The following PJVK variants were observed in gnomAD, a reference collection of about 807,000 sequenced individuals.
PJVK encodes autosomal recessive deafness type 59 protein.
A neutral mutation model predicts 37.6 loss-of-function variants in PJVK; 33 were observed. The ratio of observed to expected loss-of-function variants is 0.88; its 90% CI spans 0.67 to 1.17. The LOEUF (loss-of-function observed/expected upper bound fraction) is 1.17, where lower values mean the gene tolerates loss of function less well. PJVK is among the 50% of genes most tolerant of loss of function. The pLI, the probability that PJVK is intolerant of heterozygous loss-of-function variation, is 0.00. For synonymous variants in PJVK, 141 were observed against 143.5 expected (o/e 0.98, Z 0.13); for missense variants, 410 against 413.8 (o/e 0.99, Z 0.08).
chr2:178,453,601 A>T lies in PJVK; in HGVS notation c.192A>T (p.Gly64=). The T allele has an allele frequency of 6.2e-7, 1 of 1,613,082 alleles. No homozygotes were observed. Among genetic ancestry groups the T allele is most frequent in the Non-Finnish European group, 8.5e-7 (1 of 1,179,416 alleles). Residue 64 remains glycine, a synonymous_variant, in exon 2 of 7, where the codon GGA becomes GGT. Coordinates refer to ENST00000644580, the MANE Select transcript of PJVK (RefSeq NM_001042702.5). ...TTACACTGAAAGATATTCTCCTAGG[A>T]GACAGAGAAATTTCAGCTGGTAAGT... ...TPFTLKDILL[G]DREISAGISS...
chr2:178,453,356 T>A, intron 1 of PJVK, 32 bp from the exon 2 acceptor site: 1 of 1,585,198 alleles, frequency 6.3e-7, no homozygotes, highest in Non-Finnish European at 8.7e-7. Context: ...CTGATTTTCC[T>A]CTTTAAAAAT....
At chr2:178,455,835 T>C (rs1004529253) in intron 3 of PJVK, among the ~76,000 whole-genome samples, 175 bp from the exon 4 acceptor site, 5 of 152,008 alleles carry the variant, frequency 3.3e-5, no homozygotes, top group Admixed American at 6.6e-5. Context: ...TTTAAGAAAA[T>C]AGAGAGGAGA....
chr2:178,452,955 T>C (rs542243663), intron 1 of PJVK: 1 of 168,414 alleles, frequency 5.9e-6, no homozygotes, highest in East Asian at 1.7e-4. Context: ...GGTGGACTTG[T>C]GAAGGAATTC....
At chr2:178,454,722 G>C (rs1339625752) in intron 3 of PJVK, 195 bp downstream of exon 3, 18 of 1,552,896 alleles carry the variant, frequency 1.2e-5, no homozygotes, top group Admixed American at 9.6e-5. Context: ...GCTGAAGTCA[G>C]AGACCTCAGG....
At chr2:178,452,478 T>A (rs1320653432) in intron 1 of PJVK, 1 of 985,246 alleles carries the variant, frequency 1.0e-6, no homozygotes, top group Non-Finnish European at 1.2e-6. Flanking sequence ...ATCACTGTTT[T>A]AATGGATATC....
At chr2:178,453,255 T>G in intron 1 of PJVK, 133 bp from the exon 2 acceptor site, 2 of 735,874 alleles carry the variant, frequency 2.7e-6, no homozygotes, top group Non-Finnish European at 4.6e-6. Flanking sequence ...AGGCAGGGAA[T>G]TATACAGTGG....
intron 5 of PJVK, 142 bp downstream of exon 5, chr2:178,458,769 C>A: frequency 1.2e-6 from 1 of 825,132 alleles, no homozygotes; most frequent in Non-Finnish European, 2.1e-6. Context: ...CAATCTTATG[C>A]TTTGGCAAAA....
intron 1 of PJVK, chr2:178,452,471 A>C: frequency 4.1e-6 from 4 of 985,212 alleles, no homozygotes; most frequent in South Asian, 4.7e-5. Flanking sequence ...ACTATCCATC[A>C]CTGTTTTAAT....
chr2:178,457,992 G>A (rs902780187), intron 4 of PJVK, among the ~76,000 whole-genome samples: 13 of 152,212 alleles, frequency 8.5e-5, no homozygotes, highest in African/African-American at 3.1e-4. Context: ...AGGGTTCAAG[G>A]ATAATCTTTT....
At position 178,452,534 on chromosome 2, in the gene PJVK, C is replaced by T. The variant is rs542155365; in HGVS notation, c.-23+765C>T. ...TCAGTATTTCACAATATATGAACTC[C>T]GCATAACACCTATGGCAAAACATTT... On this transcript the variant is annotated intron_variant, in intron 1 of 6. Transcript: ENST00000644580. The T allele has an allele frequency of 1.5e-4, 148 of 985,268 alleles. 2 individuals carry two copies. The South Asian group carries it at 6.3e-3, about 42-fold the overall frequency. 61.0% of individuals were successfully genotyped at this position (985,268 alleles called of 1,614,324 possible). A position where few individuals can be genotyped will look rare whatever the true frequency, so the allele number is the denominator to read the frequency against.
At chr2:178,456,269 C>T in intron 4 of PJVK, 118 bp downstream of exon 4, 1 of 1,331,148 alleles carries the variant, frequency 7.5e-7, no homozygotes, top group Non-Finnish European at 1.1e-6. Flanking sequence ...GAAAGAGCTG[C>T]AGTTGTATAG....
intron 4 of PJVK, among the ~76,000 whole-genome samples, chr2:178,457,703 C>T (rs1017736898): frequency 3.9e-5 from 6 of 152,300 alleles, no homozygotes; most frequent in South Asian, 2.1e-4. Flanking sequence ...CAGCTGACGA[C>T]CATGGGCTTC....
At chr2:178,453,351 T>G (rs1697827756) in intron 1 of PJVK, 37 bp from the exon 2 acceptor site, 9 of 1,572,392 alleles carry the variant, frequency 5.7e-6, no homozygotes, top group Admixed American at 1.7e-5. Context: ...TGTGCCTGAT[T>G]TTCCTCTTTA....
At position 178,458,623 on chromosome 2, in the gene PJVK, C is replaced by T. The variant is rs1260542318; in HGVS notation, c.663C>T (p.Ala221=). 2.4e-5 allele frequency: 38 copies of T among 1,609,304 alleles called. No homozygotes were observed. Among genetic ancestry groups the T allele is most frequent in the Admixed American group, 1.0e-4 (6 of 59,982 alleles). The change falls in exon 5 of 7, where the codon GCC becomes GCT. Residue 221 remains alanine (A), a synonymous_variant. Coordinates refer to ENST00000644580, the MANE Select transcript of PJVK (RefSeq NM_001042702.5). ...AACTCTTCATATACCTGGATGGTGC[C>T]TTTGGTGAGTTAAGGGTCTGCATGA... ...VFELFIYLDG[A]FDLCVTSVSK...
intron 1 of PJVK, chr2:178,452,616 C>T: frequency 1.0e-6 from 1 of 985,328 alleles, no homozygotes; most frequent in Non-Finnish European, 1.2e-6. Context: ...CAGGCCAGAA[C>T]TTTATATAGC....
chr2:178,455,288 A>G, intron 3 of PJVK: 1 of 1,399,302 alleles, frequency 7.1e-7, no homozygotes, highest in Non-Finnish European at 1.0e-6. Context: ...GACTCACATC[A>G]TGGTGGAAAA....
chr2:178,459,227 C>A (rs1195894402), intron 5 of PJVK: 1 of 471,958 alleles, frequency 2.1e-6, no homozygotes. Context: ...GGAACAAGTC[C>A]AGGTGTAGCC....
rs1684482911 is a variant in PJVK, at chr2:178,461,109, C to G, written c.894C>G (p.Asn298Lys). The change falls in exon 7 of 7, where the codon AAC becomes AAG. Residue 298 changes from asparagine to lysine, a missense_variant. Coordinates refer to ENST00000644580, the MANE Select transcript of PJVK (RefSeq NM_001042702.5). Reference protein sequence around the residue: ...SLKEGTHIRVNLLNHNIPKGP... With the variant: ...SLKEGTHIRVKLLNHNIPKGP... ...AAGAAGGGACCCATATCCGAGTTAA[C>G]TTACTTAATCACAACATTCCCAAAG... is the stretch of plus-strand genomic sequence containing the variant. 3 of 1,614,112 alleles carry G rather than the reference C, an allele frequency of 1.9e-6. No homozygotes were observed. In the East Asian group the frequency reaches 6.7e-5, roughly 36 times the overall value.
At chr2:178,455,483 C>T (rs1265472563) in intron 3 of PJVK, 1 of 1,024,460 alleles carries the variant, frequency 9.8e-7, no homozygotes, top group African/African-American at 1.6e-5. Context: ...ACCCAACTTT[C>T]TTTCCCACTC....
Sources: gnomAD v4.1 joint callset for allele counts (sites outside exome capture counted in the v4.1 genomes callset) on GRCh38, gnomAD v4.1.1 for gene constraint, MANE v1.5 for transcripts, NCBI Gene and HGNC (gene_info 2026-07-23, HGNC 2026-07-21) for gene names.